The following CHRNA4 variants were observed in gnomAD, a reference collection of about 807,000 sequenced individuals.
CHRNA4 encodes the protein cholinergic receptor nicotinic alpha 4 subunit.
A neutral mutation model predicts 48.9 loss-of-function variants in CHRNA4; 28 were observed. The ratio of observed to expected loss-of-function variants is 0.57; its 90% CI spans 0.42 to 0.79. The LOEUF is 0.79. Ranked by LOEUF, CHRNA4 falls within the 30% of genes least tolerant of loss-of-function variation. The pLI, the probability that CHRNA4 is intolerant of heterozygous loss-of-function variation, is 0.00. For synonymous variants in CHRNA4, 425 were observed against 402.3 expected (o/e 1.06, Z -0.68); for missense variants, 859 against 898.4 (o/e 0.96, Z 0.56).
intron 3 of CHRNA4, 136 bp from the exon 4 acceptor site, chr20:63,356,220 G>C: frequency 1.5e-6 from 1 of 675,476 alleles, no homozygotes; most frequent in Admixed American, 2.4e-5. Context: ...GGGCAGGGGC[G>C]GGACAGGGCC....
chr20:63,347,149 C>T (rs897231095), intron 5 of CHRNA4, among the ~76,000 whole-genome samples: 78 of 152,312 alleles, frequency 5.1e-4, no homozygotes, highest in Middle Eastern at 3.4e-3. Context: ...ACAAGCTCTG[C>T]ACTATGCCCT....
intron 4 of CHRNA4, among the ~76,000 whole-genome samples, chr20:63,351,577 C>T (rs1479627873): frequency 6.6e-6 from 1 of 152,248 alleles, no homozygotes; most frequent in East Asian, 1.9e-4. Context: ...CCTCACCCAG[C>T]TTCTGCCGTT....
chr20:63,356,166 G>GCA lies in CHRNA4; in HGVS notation c.274-83_274-82insTG. The stretch of plus-strand genomic sequence containing the variant: ...GGCGGGACAGGGCCAGGGTGGGGCA[G>GCA]GGGCAGGGCCAGGGCAGGGCAGCAG... On this transcript the variant is annotated intron_variant, in intron 3 of 5. Coordinates refer to ENST00000370263, the MANE Select transcript of CHRNA4 (RefSeq NM_000744.7). 6 of 734,828 alleles carry GCA rather than the reference G, an allele frequency of 8.2e-6. No individual in the cohort carries two copies. The African/African-American group carries it at 1.6e-4, about 19-fold the overall frequency. 45.5% of individuals were successfully genotyped at this position (734,828 alleles called of 1,614,324 possible). A position where few individuals can be genotyped will look rare whatever the true frequency, so the allele number is the denominator to read the frequency against.
chr20:63,361,313 G>A lies in CHRNA4; in HGVS notation c.-148C>T, dbSNP rs2068817999. 2 of 1,214,938 alleles carry A rather than the reference G, an allele frequency of 1.6e-6. No individual in the cohort carries two copies. Among genetic ancestry groups the A allele is most frequent in the Non-Finnish European group, 2.0e-6 (2 of 977,988 alleles). 75.3% of individuals were successfully genotyped at this position (1,214,938 alleles called of 1,614,324 possible). ...TTCGTCTTCTCCTGTGGGGCGCGGTGCGGCGGCGGCGCGGCAGGGAGCGCC... is the reference window on the plus strand; with the variant it reads ...TTCGTCTTCTCCTGTGGGGCGCGGTACGGCGGCGGCGCGGCAGGGAGCGCC... On this transcript the variant is annotated 5_prime_UTR_variant, in exon 1 of 6. Transcript: ENST00000370263.
rs200987079 is a variant in CHRNA4, at chr20:63,346,521, G to C, written c.*217C>G. 2.0e-4 allele frequency: 148 copies of C among 733,508 alleles called. 3 individuals carry two copies. The South Asian group carries it at 2.1e-3, about 11-fold the overall frequency. The allele number at this position is 733,508 out of a possible 1,614,324, so 45.4% of individuals were successfully genotyped here. A position where few individuals can be genotyped will look rare whatever the true frequency, so the allele number is the denominator to read the frequency against. On this transcript the variant is annotated 3_prime_UTR_variant, in exon 6 of 6. Transcript: ENST00000370263. ...TCTGCTCCAAGCCACTGCCTCCTGAGGCCACAGTCCAACTGGAAGCAGCTC... is the reference window on the plus strand; with the variant it reads ...TCTGCTCCAAGCCACTGCCTCCTGACGCCACAGTCCAACTGGAAGCAGCTC...
rs1219434477 is a variant in CHRNA4, at chr20:63,346,181, C to T, written c.*557G>A. On this transcript the variant is annotated 3_prime_UTR_variant, in exon 6 of 6. Coordinates refer to ENST00000370263, the MANE Select transcript of CHRNA4 (RefSeq NM_000744.7). ...CAAACACAATCCCTGCCTGGACCCT[C>T]TCCTAGCGAAGCAGATTGGAGCGCT... 2 of 454,246 alleles carry T rather than the reference C, an allele frequency of 4.4e-6. No individual in the cohort carries two copies. Among genetic ancestry groups the T allele is most frequent in the Non-Finnish European group, 8.8e-6 (2 of 226,848 alleles). 28.1% of individuals were successfully genotyped at this position (454,246 alleles called of 1,614,324 possible).
intron 4 of CHRNA4, 149 bp from the exon 5 acceptor site, chr20:63,351,176 C>A (rs1487676713): frequency 1.5e-6 from 1 of 676,536 alleles, no homozygotes; most frequent in African/African-American, 1.9e-5. Flanking sequence ...CGTCCACGCC[C>A]ACATCCATGT....
intron 4 of CHRNA4, among the ~76,000 whole-genome samples, chr20:63,352,910 C>A (rs2068637858): frequency 6.6e-6 from 1 of 152,326 alleles, no homozygotes; most frequent in Non-Finnish European, 1.5e-5. Context: ...TCCAGCCGCC[C>A]TCTGGGGAGC....
Position 63,351,149 on chromosome 20 carries a change from G to A in CHRNA4, c.384-122C>T, listed in dbSNP as rs376375406. 122 of 674,320 alleles carry A rather than the reference G, an allele frequency of 1.8e-4. 1 individual carries two copies. The highest frequency in any genetic ancestry group is 1.2e-3 in the African/African-American group (46 of 39,346). 41.8% of individuals were successfully genotyped at this position (674,320 alleles called of 1,614,324 possible). On this transcript the variant is annotated intron_variant, in intron 4 of 5. Transcript: ENST00000370263. ...CACCCACATCCACGCCCACATCCAC[G>A]TCCACGCCCACATCCACGTCCACGC...
Position 63,344,492 on chromosome 20 carries a change from C to T in CHRNA4, c.*2246G>A, listed in dbSNP as rs1423475320. The stretch of plus-strand genomic sequence containing the variant: ...CTTTATTTGGATTTTTTTTTTGAGC[C>T]TCAAAAAAAAAAAGAAAGGGAAAGG... On this transcript the variant is annotated 3_prime_UTR_variant, in exon 6 of 6. Coordinates refer to ENST00000370263, the MANE Select transcript of CHRNA4 (RefSeq NM_000744.7). This position sits in a 1 kb window ranked among gnomAD's most constrained non-coding sequence, Gnocchi z 4.5. The T allele has an allele frequency of 3.1e-5, 13 of 425,350 alleles. No homozygotes were observed. In the East Asian group the frequency reaches 4.5e-4, roughly 15 times the overall value. The allele number at this position is 425,350 out of a possible 1,614,324, so 26.3% of individuals were successfully genotyped here.
At position 63,345,967 on chromosome 20, in the gene CHRNA4, C is replaced by T. The variant is rs754156838; in HGVS notation, c.*771G>A. ...GAGCCCTGGCCCTACGCCTGGAAGG[C>T]AGAGTCCTGGTCTCCAGACTCGCTG... On this transcript the variant is annotated 3_prime_UTR_variant, in exon 6 of 6. Transcript: ENST00000370263. The surrounding 1 kb of genome is among the most constrained non-coding windows in gnomAD (Gnocchi z 5.4). 6 of 454,102 alleles carry T rather than the reference C, an allele frequency of 1.3e-5. No individual in the cohort carries two copies. Among genetic ancestry groups the T allele is most frequent in the Non-Finnish European group, 2.2e-5 (5 of 226,770 alleles). The allele number at this position is 454,102 out of a possible 1,614,324, so 28.1% of individuals were successfully genotyped here. A position where few individuals can be genotyped will look rare whatever the true frequency, so the allele number is the denominator to read the frequency against.
rs1346867609 is a variant in CHRNA4, at chr20:63,345,392, G to A, written c.*1346C>T. Reference sequence around the variant, plus strand: ...CCTGGCCCCGCCCCTCTGGGCCCTTGGAATCATGGAGGGGTGGGGCAGCCT... The same window carrying A: ...CCTGGCCCCGCCCCTCTGGGCCCTTAGAATCATGGAGGGGTGGGGCAGCCT... On this transcript the variant is annotated 3_prime_UTR_variant, in exon 6 of 6. Coordinates refer to ENST00000370263, the MANE Select transcript of CHRNA4 (RefSeq NM_000744.7). The surrounding 1 kb of genome is among the most constrained non-coding windows in gnomAD (Gnocchi z 5.4). The A allele has an allele frequency of 2.2e-5, 9 of 418,204 alleles. No homozygotes were observed. The highest frequency in any genetic ancestry group is 3.9e-5 in the Non-Finnish European group (8 of 203,244). 25.9% of individuals were successfully genotyped at this position (418,204 alleles called of 1,614,324 possible). A position where few individuals can be genotyped will look rare whatever the true frequency, so the allele number is the denominator to read the frequency against.
rs568329035 is a variant in CHRNA4 at position 63,344,477 on chromosome 20, AT to A, written c.*2260del. ...GGTGGGAATATGGTGCTTTATTTGG[AT>A]TTTTTTTTTGAGCCTCAAAAAAAAA... On this transcript the variant is annotated 3_prime_UTR_variant, in exon 6 of 6. Coordinates refer to ENST00000370263, the MANE Select transcript of CHRNA4 (RefSeq NM_000744.7). This position sits in a 1 kb window ranked among gnomAD's most constrained non-coding sequence, Gnocchi z 4.5. 217 of 438,294 alleles carry A rather than the reference AT, an allele frequency of 5.0e-4. 1 individual carries two copies. The highest frequency in any genetic ancestry group is 1.4e-3 in the Middle Eastern group (2 of 1,394). The allele number at this position is 438,294 out of a possible 1,614,324, so 27.2% of individuals were successfully genotyped here.
At chr20:63,355,697 T>A (rs903454076) in intron 4 of CHRNA4, 2 of 905,756 alleles carry the variant, frequency 2.2e-6, no homozygotes, top group African/African-American at 1.7e-5. Flanking sequence ...ATAGCCACTC[T>A]CAGGCCCCTC....
intron 4 of CHRNA4, among the ~76,000 whole-genome samples, chr20:63,352,697 G>A (rs572871792): frequency 3.9e-4 from 60 of 152,320 alleles, no homozygotes; most frequent in African/African-American, 1.4e-3. Context: ...ACTCTGTTCA[G>A]CACACACTCT....
chr20:63,349,504 G>C, intron 5 of CHRNA4, 149 bp downstream of exon 5: 1 of 1,054,010 alleles, frequency 9.5e-7, no homozygotes, highest in East Asian at 2.5e-5. Context: ...CTTGGGAAGA[G>C]GCTGCTGCAG....
chr20:63,357,991 G>A (rs1250655579), intron 2 of CHRNA4, among the ~76,000 whole-genome samples: 1 of 152,206 alleles, frequency 6.6e-6, no homozygotes, highest in Non-Finnish European at 1.5e-5. Context: ...CAGGTGGGGG[G>A]TGGCAGACCC....
Sources: gnomAD v4.1 joint callset for allele counts (sites outside exome capture counted in the v4.1 genomes callset) on GRCh38, gnomAD v4.1.1 for gene constraint, Gnocchi (gnomAD v3.1) non-coding constraint, MANE v1.5 for transcripts, NCBI Gene and HGNC (gene_info 2026-07-23, HGNC 2026-07-21) for gene names.